The following EDNRA variants were observed in gnomAD, a reference collection of about 807,000 sequenced individuals.
EDNRA encodes the protein endothelin receptor type A, also known as endothelin-1 receptor.
A neutral mutation model predicts 41.4 loss-of-function variants in EDNRA; 11 were observed. The observed-to-expected ratio is 0.27, with a 90% CI of 0.17 to 0.44. The LOEUF (loss-of-function observed/expected upper bound fraction) is 0.44. Ranked by LOEUF, EDNRA falls within the 20% of genes least tolerant of loss-of-function variation. EDNRA has a pLI of 1.00. For missense variants in EDNRA, 294 were observed against 531.0 expected (o/e 0.55, Z 4.39); for synonymous variants, 172 against 183.0 (o/e 0.94, Z 0.49).
At chr4:147,507,077 G>A (rs1729742868) in intron 2 of EDNRA, among the ~76,000 whole-genome samples, 1 of 152,102 alleles carries the variant, frequency 6.6e-6, no homozygotes, top group Non-Finnish European at 1.5e-5. Context: ...GTTTTTAAAT[G>A]AGGACTCTCT....
intron 1 of EDNRA, among the ~76,000 whole-genome samples, chr4:147,483,504 A>T (rs1441847479): frequency 6.6e-6 from 1 of 152,160 alleles, no homozygotes; most frequent in Non-Finnish European, 1.5e-5. Flanking sequence ...GTTCAGGGGG[A>T]AATCTCTGGG....
At chr4:147,488,532 G>A (rs144702947) in intron 2 of EDNRA, 2 of 130,418 alleles carry the variant, frequency 1.5e-5, no homozygotes, top group East Asian at 4.3e-4. Flanking sequence ...TGTAATTCCT[G>A]TTTTTCCAAA....
chr4:147,523,759 G>A lies in EDNRA; in HGVS notation c.548+3781G>A, dbSNP rs546020535. On this transcript the variant is annotated intron_variant, in intron 3 of 7. Transcript: ENST00000651419. ...CCCGCCTCAGCCTCCCAAAGTGCTG[G>A]GATTACAGGCATGAGCCACCGCGCC... Among the ~76,000 whole-genome samples the A allele has an allele frequency of 2.0e-5, 3 of 152,102 alleles. No individual in the cohort carries two copies. In the South Asian group the frequency reaches 6.2e-4, roughly 32 times the overall value.
chr4:147,515,801 G>C (rs1287575567), intron 2 of EDNRA, among the ~76,000 whole-genome samples: 1 of 152,170 alleles, frequency 6.6e-6, no homozygotes, highest in Non-Finnish European at 1.5e-5. Flanking sequence ...AAATATAGTG[G>C]TGAATGTACA....
chr4:147,543,402 A>G lies in EDNRA; in HGVS notation c.*784A>G, dbSNP rs1489471479. On this transcript the variant is annotated 3_prime_UTR_variant, in exon 8 of 8. Coordinates refer to ENST00000651419, the MANE Select transcript of EDNRA (RefSeq NM_001957.4). ...TGTTTTATTACAAGGGACCTTGAAC[A>G]TGTTTTGTATGTTAAATTCAAAAGT... 1 of 152,214 alleles carries G rather than the reference A, an allele frequency of 6.6e-6. No individual in the cohort carries two copies. Among genetic ancestry groups the G allele is most frequent in the African/African-American group, 2.4e-5 (1 of 41,460 alleles). 9.4% of individuals were successfully genotyped at this position (152,214 alleles called of 1,614,324 possible). A position where few individuals can be genotyped will look rare whatever the true frequency, so the allele number is the denominator to read the frequency against.
intron 2 of EDNRA, among the ~76,000 whole-genome samples, chr4:147,514,085 G>A (rs1472598969): frequency 6.6e-6 from 1 of 152,202 alleles, no homozygotes; most frequent in Non-Finnish European, 1.5e-5. Context: ...TGTGTTATAT[G>A]TTCAGTTTGC....
rs770242716 is a variant in EDNRA, at chr4:147,536,070, T to C, written c.900+41T>C. 6 of 1,610,202 alleles carry C rather than the reference T, an allele frequency of 3.7e-6. No individual in the cohort carries two copies. In the East Asian group the frequency reaches 8.9e-5, roughly 24 times the overall value. ...TCATGAAAATCTGGCCAGGACTGGT[T>C]AGTCCTTGACAGCAGCAGGCCTGCA... On this transcript the variant is annotated intron_variant, in intron 5 of 7. Transcript: ENST00000651419.
At chr4:147,532,758 A>C in intron 4 of EDNRA, 54 bp downstream of exon 4, 1 of 1,564,210 alleles carries the variant, frequency 6.4e-7, no homozygotes, top group Non-Finnish European at 8.8e-7. Flanking sequence ...CCTCCGTTAG[A>C]CTTCACCATC....
Position 147,532,359 on chromosome 4 carries a change from G to T in EDNRA, c.549-147G>T, listed in dbSNP as rs967699787. The T allele has an allele frequency of 7.8e-5, 45 of 573,304 alleles. No homozygotes were observed. In the African/African-American group the frequency reaches 9.4e-4, roughly 12 times the overall value. The allele number at this position is 573,304 out of a possible 1,614,324, so 35.5% of individuals were successfully genotyped here. A position where few individuals can be genotyped will look rare whatever the true frequency, so the allele number is the denominator to read the frequency against. On this transcript the variant is annotated intron_variant, in intron 3 of 7. Coordinates refer to ENST00000651419, the MANE Select transcript of EDNRA (RefSeq NM_001957.4). ...AAAAAAAAAAAAAAAAACCCACTTG[G>T]TTTTCATACCAAGACTCAGAAAATT...
At chr4:147,494,244 T>C (rs924607802) in intron 2 of EDNRA, 7 of 152,142 alleles carry the variant, frequency 4.6e-5, no homozygotes, top group African/African-American at 1.7e-4. Flanking sequence ...ACAAAACAGA[T>C]AGATATCCTT....
rs149835179 is a variant in EDNRA, at chr4:147,543,185, A to G, written c.*567A>G. On this transcript the variant is annotated 3_prime_UTR_variant, in exon 8 of 8. Transcript: ENST00000651419. Reference sequence around the variant, plus strand: ...TATTTACACATAGTTTGAAAAAAAAAAGACAAAAATAGTATTCAGGTGAGC... The same window carrying G: ...TATTTACACATAGTTTGAAAAAAAAGAGACAAAAATAGTATTCAGGTGAGC... 1 of 152,320 alleles carries G rather than the reference A, an allele frequency of 6.6e-6. No homozygotes were observed. Among genetic ancestry groups the G allele is most frequent in the African/African-American group, 2.4e-5 (1 of 41,570 alleles). The allele number at this position is 152,320 out of a possible 1,614,324, so 9.4% of individuals were successfully genotyped here.
At chr4:147,507,779 G>T (rs1304322841) in intron 2 of EDNRA, among the ~76,000 whole-genome samples, 1 of 152,112 alleles carries the variant, frequency 6.6e-6, no homozygotes, top group Non-Finnish European at 1.5e-5. Context: ...TTATATGAAG[G>T]TTTTAATTTC....
At chr4:147,522,897 C>T (rs1730374743) in intron 3 of EDNRA, among the ~76,000 whole-genome samples, 1 of 152,152 alleles carries the variant, frequency 6.6e-6, no homozygotes, top group South Asian at 2.1e-4. Context: ...ACAGAAGTTA[C>T]AGGCAAAAAC....
At chr4:147,525,884 C>T (rs759434096) in intron 3 of EDNRA, among the ~76,000 whole-genome samples, 1 of 152,162 alleles carries the variant, frequency 6.6e-6, no homozygotes, top group African/African-American at 2.4e-5. Context: ...GTTCTTGAAC[C>T]CATCATTTCA....
chr4:147,494,036 AC>A (rs1729225704), intron 2 of EDNRA: 1 of 152,178 alleles, frequency 6.6e-6, no homozygotes, highest in African/African-American at 2.4e-5. Flanking sequence ...GGAGACTAGT[AC>A]CAAGAGAGGA....
intron 2 of EDNRA, among the ~76,000 whole-genome samples, chr4:147,518,086 C>G (rs1190967805): frequency 6.6e-6 from 1 of 152,166 alleles, no homozygotes; most frequent in Non-Finnish European, 1.5e-5. Context: ...GAGTATATCC[C>G]ATAACCGTGC....
chr4:147,531,247 T>C (rs1337427498), intron 3 of EDNRA, among the ~76,000 whole-genome samples: 1 of 152,250 alleles, frequency 6.6e-6, no homozygotes, highest in Non-Finnish European at 1.5e-5. Context: ...TCTGTTAGAT[T>C]GTAAACCCTA....
rs996798733 is a variant in EDNRA at position 147,486,248 on chromosome 4, A to C, written c.420+147A>C. 4.9e-5 allele frequency: 43 copies of C among 884,218 alleles called. No individual in the cohort carries two copies. Among genetic ancestry groups the C allele is most frequent in the Non-Finnish European group, 6.7e-5 (40 of 600,036 alleles). The allele number at this position is 884,218 out of a possible 1,614,324, so 54.8% of individuals were successfully genotyped here. On this transcript the variant is annotated intron_variant, in intron 2 of 7. Transcript: ENST00000651419. This position sits in a 1 kb window ranked among gnomAD's most constrained non-coding sequence, Gnocchi z 4.3. Reference sequence around the variant, plus strand: ...TGCTGTCTTCTAACTACTAGTTTTAAGATTTACAAATTTTATTATCTGTCT... The same window carrying C: ...TGCTGTCTTCTAACTACTAGTTTTACGATTTACAAATTTTATTATCTGTCT...
intron 3 of EDNRA, among the ~76,000 whole-genome samples, chr4:147,530,458 C>A (rs1434197586): frequency 6.6e-6 from 1 of 152,172 alleles, no homozygotes; most frequent in Non-Finnish European, 1.5e-5. Flanking sequence ...TTGATTATAT[C>A]ATAAAAGGAT....
Sources: gnomAD v4.1 joint callset for allele counts (sites outside exome capture counted in the v4.1 genomes callset) on GRCh38, gnomAD v4.1.1 for gene constraint, Gnocchi (gnomAD v3.1) non-coding constraint, MANE v1.5 for transcripts, NCBI Gene and HGNC (gene_info 2026-07-23, HGNC 2026-07-21) for gene names.